ERN1: variants seen among roughly 807,000 people sequenced by gnomAD.
ERN1 encodes the protein serine/threonine-protein kinase/endoribonuclease IRE1.
A neutral mutation model predicts 113.1 loss-of-function variants in ERN1; 39 were observed. The ratio of observed to expected loss-of-function variants is 0.34; its 90% CI spans 0.27 to 0.45. ERN1 has a LOEUF of 0.45. Ranked by LOEUF, ERN1 falls within the 20% of genes least tolerant of loss-of-function variation. The probability of loss-of-function intolerance (pLI) is 1.00; values close to 1 mark genes in which losing one functional copy is unlikely to be tolerated. For synonymous variants in ERN1, 507 were observed against 515.9 expected (o/e 0.98, Z 0.23); for missense variants, 976 against 1,274.8 (o/e 0.77, Z 3.57).
At chr17:64,046,695 C>A (rs1266992824) in intron 19 of ERN1, among the ~76,000 whole-genome samples, 1 of 152,210 alleles carries the variant, frequency 6.6e-6, no homozygotes, top group Non-Finnish European at 1.5e-5. Context: ...AGCTTACATT[C>A]TGGGGGCTTC....
chr17:64,099,505 T>C (rs1345801785), intron 1 of ERN1, among the ~76,000 whole-genome samples: 1 of 152,014 alleles, frequency 6.6e-6, no homozygotes, highest in Non-Finnish European at 1.5e-5. Flanking sequence ...ATCCTACAAA[T>C]AGCTTTTTCC....
chr17:64,098,588 C>A (rs765979006), intron 1 of ERN1: 1 of 547,460 alleles, frequency 1.8e-6, no homozygotes, highest in South Asian at 1.4e-5. Flanking sequence ...AAAACCTGGG[C>A]ATCTCATAAG....
rs780675780 is a variant in ERN1, at chr17:64,063,961, G to T, written c.1087+25C>A. The T allele has an allele frequency of 3.1e-6, 5 of 1,610,952 alleles. No individual in the cohort carries two copies. The highest frequency in any genetic ancestry group is 1.3e-5 in the African/African-American group (1 of 74,868). ...AGGAGGCAGCACGCTGTCACCTCAG[G>T]CTACTGTGGGAGACCTGCTCTTACC... On this transcript the variant is annotated intron_variant, in intron 10 of 21. Transcript: ENST00000433197. This position sits in a 1 kb window ranked among gnomAD's most constrained non-coding sequence, Gnocchi z 5.1.
Position 64,054,883 on chromosome 17 carries a change from T to C in ERN1, c.1673-55A>G. 1.5e-6 allele frequency: 2 copies of C among 1,354,568 alleles called. No individual in the cohort carries two copies. The highest frequency in any genetic ancestry group is 2.1e-6 in the Non-Finnish European group (2 of 971,602). The allele number at this position is 1,354,568 out of a possible 1,614,324, so 83.9% of individuals were successfully genotyped here. ...TCAAACAGATATCACCTAAAGAACC[T>C]TGAGGTTAACATAGTGACAAGCTTC... On this transcript the variant is annotated intron_variant, in intron 13 of 21. Transcript: ENST00000433197. The surrounding 1 kb of genome is among the most constrained non-coding windows in gnomAD (Gnocchi z 4.9).
chr17:64,082,255 C>T (rs970405149), intron 2 of ERN1, among the ~76,000 whole-genome samples: 1 of 152,150 alleles, frequency 6.6e-6, no homozygotes, highest in Non-Finnish European at 1.5e-5. Context: ...AAACCAAAAA[C>T]ACTCTAGGAA....
chr17:64,102,211 G>A (rs980902333), intron 1 of ERN1, among the ~76,000 whole-genome samples: 11 of 152,082 alleles, frequency 7.2e-5, no homozygotes, highest in South Asian at 4.1e-4. Flanking sequence ...GCTTGAACCC[G>A]GGAGGCAGAG....
chr17:64,085,673 C>A (rs1761156812), intron 2 of ERN1, among the ~76,000 whole-genome samples: 1 of 152,204 alleles, frequency 6.6e-6, no homozygotes, highest in Non-Finnish European at 1.5e-5. Flanking sequence ...AAGCTCTACT[C>A]ACCCTGAACC....
At chr17:64,127,122 C>T (rs1267080230) in intron 1 of ERN1, among the ~76,000 whole-genome samples, 2 of 152,130 alleles carry the variant, frequency 1.3e-5, no homozygotes, top group African/African-American at 4.8e-5. Context: ...AAGACAGCCT[C>T]AAGTGCTTAA....
chr17:64,049,499 A>G lies in ERN1; in HGVS notation c.2254-297T>C, dbSNP rs1912616219. On this transcript the variant is annotated intron_variant, in intron 17 of 21. Coordinates refer to ENST00000433197, the MANE Select transcript of ERN1 (RefSeq NM_001433.5). This position sits in a 1 kb window ranked among gnomAD's most constrained non-coding sequence, Gnocchi z 4.7. The stretch of plus-strand genomic sequence containing the variant: ...TGTCAAAAGAGATGCATTAATATGC[A>G]AAAATGGTTGCTTACGACAGTGCTT... 6.6e-6 allele frequency among the ~76,000 whole-genome samples: 1 copy of G among 152,196 alleles called. No homozygotes were observed. Among genetic ancestry groups the G allele is most frequent in the Non-Finnish European group, 1.5e-5 (1 of 68,034 alleles).
At chr17:64,058,466 G>A (rs559880894) in intron 11 of ERN1, among the ~76,000 whole-genome samples, 133 of 152,266 alleles carry the variant, frequency 8.7e-4, no homozygotes, top group Non-Finnish European at 1.4e-3. Context: ...CAGTTTTCTC[G>A]TGTTGCCTGT....
rs368466615 is a variant in ERN1 at position 64,090,174 on chromosome 17, A to T, written c.175+7947T>A. The stretch of plus-strand genomic sequence containing the variant: ...ACAGTTCAGCTTTCATGAGGAAAGC[A>T]TTTTTTTTTAAAGACATCTAATCAA... On this transcript the variant is annotated intron_variant, in intron 2 of 21. Coordinates refer to ENST00000433197, the MANE Select transcript of ERN1 (RefSeq NM_001433.5). Among the ~76,000 whole-genome samples the T allele has an allele frequency of 3.6e-4, 54 of 151,698 alleles. 1 individual carries two copies. Among genetic ancestry groups the T allele is most frequent in the Middle Eastern group, 3.4e-3 (1 of 294 alleles).
chr17:64,068,073 G>T, intron 7 of ERN1, 117 bp downstream of exon 7: 1 of 706,112 alleles, frequency 1.4e-6, no homozygotes, highest in Non-Finnish European at 2.4e-6. Context: ...TCCATGGAAA[G>T]AAAGAACCTG....
chr17:64,117,811 T>A (rs1419436266), intron 1 of ERN1, among the ~76,000 whole-genome samples: 1 of 152,208 alleles, frequency 6.6e-6, no homozygotes, highest in Non-Finnish European at 1.5e-5. Context: ...GTTTCTCCCC[T>A]GCAACCCCTG....
intron 1 of ERN1, among the ~76,000 whole-genome samples, chr17:64,113,961 C>T (rs929631238): frequency 5.9e-5 from 9 of 151,822 alleles, no homozygotes; most frequent in African/African-American, 1.2e-4. Flanking sequence ...GGATTACCGG[C>T]GTGAACCACC....
In ERN1 at chr17:64,092,429, G is replaced by A. The variant is rs1470422169; in HGVS notation, c.175+5692C>T. Among the ~76,000 whole-genome samples, 12 of 152,110 alleles carry A rather than the reference G, an allele frequency of 7.9e-5. 1 individual carries two copies. The highest frequency in any genetic ancestry group is 6.5e-4 in the Admixed American group (10 of 15,272). ...CTTTGTTCTGACTCTTCCCTCCTAA[G>A]AAATCTCCAGTATTATGTCCTGTTT... On this transcript the variant is annotated intron_variant, in intron 2 of 21. Coordinates refer to ENST00000433197, the MANE Select transcript of ERN1 (RefSeq NM_001433.5).
In ERN1 at chr17:64,076,790, C is replaced by T. The variant is rs1418383866; in HGVS notation, c.283-1543G>A. ...AATTTTTTGTATTTTTTAGTAGAGA[C>T]GGGGTTTCACCGTGTTAGCCAGGAT... On this transcript the variant is annotated intron_variant, in intron 4 of 21. Coordinates refer to ENST00000433197, the MANE Select transcript of ERN1 (RefSeq NM_001433.5). Among the ~76,000 whole-genome samples the T allele has an allele frequency of 2.6e-5, 4 of 152,072 alleles. No individual in the cohort carries two copies. The South Asian group carries it at 6.2e-4, about 24-fold the overall frequency.
In ERN1 at chr17:64,040,493, C is replaced by T. The variant is rs909807718; in HGVS notation, c.*3495G>A. Reference sequence around the variant, plus strand: ...ACGGTTTGATCAGCAACCAATTAATCTCTCACTGCAGCAAGAAAAGAATTG... The same window carrying T: ...ACGGTTTGATCAGCAACCAATTAATTTCTCACTGCAGCAAGAAAAGAATTG... On this transcript the variant is annotated 3_prime_UTR_variant, in exon 22 of 22. Transcript: ENST00000433197. The T allele has an allele frequency of 3.3e-5, 5 of 152,282 alleles. No homozygotes were observed. The highest frequency in any genetic ancestry group is 9.6e-5 in the African/African-American group (4 of 41,466). The allele number at this position is 152,282 out of a possible 1,614,324, so 9.4% of individuals were successfully genotyped here.
intron 2 of ERN1, among the ~76,000 whole-genome samples, chr17:64,092,884 C>T (rs1567877466): frequency 6.6e-6 from 1 of 152,112 alleles, no homozygotes; most frequent in Non-Finnish European, 1.5e-5. Flanking sequence ...TCTAAAAGTA[C>T]AGAGATGAAA....
chr17:64,125,259 T>C (rs1205930914), intron 1 of ERN1, among the ~76,000 whole-genome samples: 3 of 152,190 alleles, frequency 2.0e-5, no homozygotes, highest in African/African-American at 7.2e-5. Flanking sequence ...CTACAATGAA[T>C]ATGATTACTT....
Sources: allele counts gnomAD v4.1 joint callset (sites outside exome capture counted in the v4.1 genomes callset), GRCh38; gene constraint gnomAD v4.1.1; non-coding constraint Gnocchi (gnomAD v3.1); transcripts MANE v1.5; gene names NCBI Gene and HGNC (gene_info 2026-07-23, HGNC 2026-07-21).